The following EXD1 variants were observed in gnomAD, a reference collection of about 807,000 sequenced individuals.
EXD1 encodes the protein exonuclease 3'-5' domain containing 1, also known as piRNA biogenesis protein EXD1.
In EXD1, 63 loss-of-function variants were observed where a neutral mutation model predicts 49.1. The ratio of observed to expected loss-of-function variants is 1.28; its 90% CI spans 1.05 to 1.58. EXD1 has a LOEUF of 1.58. Ranked by LOEUF, EXD1 falls within the 40% of genes most tolerant of loss-of-function variation. The pLI is 0.00. For missense variants in EXD1, 748 were observed against 666.0 expected (o/e 1.12, Z -1.36); for synonymous variants, 234 against 239.2 (o/e 0.98, Z 0.20).
intron 11 of EXD1, among the ~76,000 whole-genome samples, chr15:41,186,775 T>C (rs1005320596): frequency 4.0e-5 from 6 of 149,320 alleles, no homozygotes; most frequent in African/African-American, 1.5e-4. Context: ...CATATATTTC[T>C]TTTTTTTTTC....
chr15:41,223,519 G>C (rs2047120378), intron 2 of EXD1, among the ~76,000 whole-genome samples: 2 of 151,610 alleles, frequency 1.3e-5, no homozygotes, highest in African/African-American at 4.8e-5. Context: ...CCAGAAGCTG[G>C]AGACAAGCCC....
At chr15:41,223,818 T>C (rs962027691) in intron 2 of EXD1, among the ~76,000 whole-genome samples, 15 of 151,450 alleles carry the variant, frequency 9.9e-5, no homozygotes, top group Non-Finnish European at 8.8e-5. Flanking sequence ...TGAGCCAAGA[T>C]TGCACCACTG....
intron 7 of EXD1, among the ~76,000 whole-genome samples, chr15:41,204,746 A>T (rs1057438089): frequency 3.9e-5 from 6 of 152,110 alleles, no homozygotes; most frequent in African/African-American, 1.2e-4. Flanking sequence ...ATGTACTTGT[A>T]TATATACATA....
chr15:41,191,288 A>G lies in EXD1; in HGVS notation c.864+154T>C, dbSNP rs192426735. ...TCCTGGCTTTTATCCACTTGAGACCAGATATAAACCATTCCCATTTGGTAC... is the reference window on the plus strand; with the variant it reads ...TCCTGGCTTTTATCCACTTGAGACCGGATATAAACCATTCCCATTTGGTAC... On this transcript the variant is annotated intron_variant, in intron 10 of 11. Transcript: ENST00000458580. 9.2e-5 allele frequency among the ~76,000 whole-genome samples: 14 copies of G among 152,314 alleles called. No individual in the cohort carries two copies. In the East Asian group the frequency reaches 2.7e-3, roughly 29 times the overall value.
intron 1 of EXD1, among the ~76,000 whole-genome samples, chr15:41,227,969 G>A (rs1394935880): frequency 6.6e-6 from 1 of 152,098 alleles, no homozygotes; most frequent in Non-Finnish European, 1.5e-5. Flanking sequence ...AGAATCACTT[G>A]AACCCAGGAG....
intron 7 of EXD1, among the ~76,000 whole-genome samples, chr15:41,201,382 T>G (rs559425912): frequency 4.6e-4 from 70 of 152,040 alleles, no homozygotes; most frequent in Admixed American, 4.5e-3. Flanking sequence ...ATCCCTACCC[T>G]CTAGCAATTT....
At chr15:41,192,569 A>T (rs2046538353) in intron 9 of EXD1, among the ~76,000 whole-genome samples, 1 of 132,142 alleles carries the variant, frequency 7.6e-6, no homozygotes, top group Admixed American at 8.3e-5. Context: ...TGTTGGGATT[A>T]CAGGCGTGAA....
Position 41,216,789 on chromosome 15 carries a change from A to C in EXD1, c.267T>G (p.His89Gln). 2 of 1,613,458 alleles carry C rather than the reference A, an allele frequency of 1.2e-6. No individual in the cohort carries two copies. Among genetic ancestry groups the C allele is most frequent in the Non-Finnish European group, 1.7e-6 (2 of 1,179,962 alleles). ...TTTTCTCCATCCAGGTTCTTTCTGC[A>C]TGTAGACTATCCTTACAAGAAACAA... ...VRAKASSVSL[H>Q]AERTWMEKMK... is the part of the protein sequence containing the mutation. The change falls in exon 5 of 12, where the codon CAT (histidine) becomes CAG (glutamine). Residue 89 changes from histidine (H) to glutamine (Q), a missense_variant. Transcript: ENST00000458580.
At chr15:41,229,966 G>A (rs1014734622) in intron 1 of EXD1, among the ~76,000 whole-genome samples, 2 of 152,012 alleles carry the variant, frequency 1.3e-5, no homozygotes, top group Non-Finnish European at 2.9e-5. Flanking sequence ...GTCAGAATTC[G>A]GTTCTTCCTT....
At chr15:41,204,661 T>C (rs564417228) in intron 7 of EXD1, among the ~76,000 whole-genome samples, 4 of 151,092 alleles carry the variant, frequency 2.6e-5, no homozygotes, top group African/African-American at 9.7e-5. Flanking sequence ...AGCCCGGGAG[T>C]TCAAGGCTGA....
intron 7 of EXD1, 127 bp from the exon 8 acceptor site, chr15:41,196,164 A>C (rs1229069743): frequency 5.4e-6 from 4 of 740,730 alleles, no homozygotes; most frequent in Non-Finnish European, 8.4e-6. Flanking sequence ...TTATTTATTT[A>C]GAGACAAAGT....
Position 41,216,665 on chromosome 15 carries a change from C to A in EXD1, c.388+3G>T. 1 of 1,605,016 alleles carries A rather than the reference C, an allele frequency of 6.2e-7. No homozygotes were observed. The highest frequency in any genetic ancestry group is 8.5e-7 in the Non-Finnish European group (1 of 1,178,044). Reference sequence around the variant, plus strand: ...AAAGAAAATTCAGAGCCCCTATATTCACCTGATGGGCTGTACTTGAGGTCA... The same window carrying A: ...AAAGAAAATTCAGAGCCCCTATATTAACCTGATGGGCTGTACTTGAGGTCA... On this transcript the variant is annotated splice_donor_region_variant and intron_variant, in intron 5 of 11. Transcript: ENST00000458580.
chr15:41,192,182 G>A (rs2046531360), intron 9 of EXD1: 1 of 152,656 alleles, frequency 6.6e-6, no homozygotes, highest in African/African-American at 2.4e-5. Context: ...GCGCCCTACA[G>A]TCCAAAACTC....
In EXD1 at chr15:41,216,705, A is replaced by G; in HGVS notation, c.351T>C (p.Ala117=). The change falls in exon 5 of 12, where the codon GCT becomes GCC. Residue 117 remains alanine (A), a synonymous_variant. Transcript: ENST00000458580. ...EPASPAPEAP[A]TSLLNDLKYS... ...ACTTGAGGTCATTCAGCAGAGAGGT[A>G]GCTGGTGCTTCAGGGGCAGGAGAAG... The G allele has an allele frequency of 6.2e-7, 1 of 1,613,600 alleles. No homozygotes were observed. Among genetic ancestry groups the G allele is most frequent in the South Asian group, 1.1e-5 (1 of 91,048 alleles).
rs1323925277 is a variant in EXD1 at position 41,230,512 on chromosome 15, G to A, written c.-87C>T. The A allele has an allele frequency of 6.2e-7, 1 of 1,614,190 alleles. No individual in the cohort carries two copies. The highest frequency in any genetic ancestry group is 2.2e-5 in the East Asian group (1 of 44,882). ...AGGAATTCACTGTCCTCCATCGTTAGGGCTTTTTCCTCCGAAGGAAGTTTG... is the reference window on the plus strand; with the variant it reads ...AGGAATTCACTGTCCTCCATCGTTAAGGCTTTTTCCTCCGAAGGAAGTTTG... On this transcript the variant is annotated 5_prime_UTR_variant, in exon 1 of 12. Coordinates refer to ENST00000458580, the MANE Select transcript of EXD1 (RefSeq NM_001286441.2).
chr15:41,200,738 T>A (rs1461708526), intron 7 of EXD1, among the ~76,000 whole-genome samples: 1 of 151,882 alleles, frequency 6.6e-6, no homozygotes. Flanking sequence ...ATCTGTGGGG[T>A]CTGACACTAT....
rs200258897 is a variant in EXD1, at chr15:41,217,072, A to G, written c.260+25T>C. The stretch of plus-strand genomic sequence containing the variant: ...AATGTGCACATTTGGAAAATATCAT[A>G]ATTAAGAAAATTATTCCTTCTTACC... On this transcript the variant is annotated intron_variant, in intron 4 of 11. Coordinates refer to ENST00000458580, the MANE Select transcript of EXD1 (RefSeq NM_001286441.2). 1,731 of 1,601,390 alleles carry G rather than the reference A, an allele frequency of 1.1e-3. 35 individuals carry two copies. In the South Asian group the frequency reaches 0.018, roughly 17 times the overall value.
Position 41,183,923 on chromosome 15 carries a change from G to A in EXD1, c.*8C>T. 2 of 1,567,008 alleles carry A rather than the reference G, an allele frequency of 1.3e-6. No individual in the cohort carries two copies. The highest frequency in any genetic ancestry group is 1.7e-6 in the Non-Finnish European group (2 of 1,158,200). Reference sequence around the variant, plus strand: ...ATCTGTATGGCCTTAAGAACAAACTGCCCATCTCTAGGGCAGATTTAGAAA... The same window carrying A: ...ATCTGTATGGCCTTAAGAACAAACTACCCATCTCTAGGGCAGATTTAGAAA... On this transcript the variant is annotated 3_prime_UTR_variant, in exon 12 of 12. Transcript: ENST00000458580.
chr15:41,191,500 T>C lies in EXD1; in HGVS notation c.806A>G (p.His269Arg). The change falls in exon 10 of 12, where the codon CAC becomes CGC. Residue 269 changes from histidine (H) to arginine (R), a missense_variant. His to Arg is a conservative substitution (Grantham distance 29). Coordinates refer to ENST00000458580, the MANE Select transcript of EXD1 (RefSeq NM_001286441.2). ...ITTLQESLIKHLQVAPKYLSF... is the reference protein window; with the variant it reads ...ITTLQESLIKRLQVAPKYLSF... ...GAGATATTTAGGGGCTACTTGAAGG[T>C]GTTTGATTAAACTCTCCTGCAAAGT... The C allele has an allele frequency of 2.5e-6, 4 of 1,613,742 alleles. No homozygotes were observed. The highest frequency in any genetic ancestry group is 3.4e-6 in the Non-Finnish European group (4 of 1,179,652).
Sources: allele counts gnomAD v4.1 joint callset (sites outside exome capture counted in the v4.1 genomes callset), GRCh38; gene constraint gnomAD v4.1.1; transcripts MANE v1.5; gene names NCBI Gene and HGNC (gene_info 2026-07-23, HGNC 2026-07-21).